EYS: variants seen among roughly 807,000 people sequenced by gnomAD.
The protein encoded by EYS is EGF-like photoreceptor maintenance factor, also known as protein eyes shut homolog.
Under a neutral mutation model 282.1 loss-of-function variants are expected in EYS, and 250 were observed. The ratio of observed to expected loss-of-function variants is 0.89; its 90% confidence interval spans 0.80 to 0.98. The LOEUF (loss-of-function observed/expected upper bound fraction) is 0.98, where lower values mean the gene tolerates loss of function less well. EYS is among the 50% of genes least tolerant of loss of function. The pLI, the probability that EYS is intolerant of heterozygous loss-of-function variation, is 0.00. For synonymous variants in EYS, 1,355 were observed against 1,282.9 expected (o/e 1.06, Z -1.20); for missense variants, 4,016 against 3,709.0 (o/e 1.08, Z -2.15).
At position 63,726,663 on chromosome 6, in the gene EYS, G is replaced by A. The variant is rs1768628194; in HGVS notation, c.8089C>T (p.Pro2697Ser). 6.4e-7 allele frequency: 1 copy of A among 1,551,046 alleles called. No individual in the cohort carries two copies. Among genetic ancestry groups the A allele is most frequent in the African/African-American group, 1.4e-5 (1 of 73,028 alleles). ...YCEQALSISD[P>S]SFRSNELSWM... is the part of the protein sequence containing the mutation. ...GATAACTCATTGCTTCTGAAAGATG[G>A]ATCACTTATGGATAAAGCTGAGGGA... Residue 2697 changes from proline (P) to serine (S), a missense_variant, in exon 42 of 43, where the codon CCA (proline) becomes TCA (serine). Coordinates refer to ENST00000503581, the MANE Select transcript of EYS (RefSeq NM_001142800.2).
intron 22 of EYS, among the ~76,000 whole-genome samples, chr6:64,634,480 G>A (rs1175629602): frequency 2.7e-5 from 4 of 150,510 alleles, no homozygotes; most frequent in South Asian, 2.1e-4. Context: ...GGCTAATACG[G>A]GCAAACTTCT....
chr6:65,523,132 T>C (rs1180387369), intron 2 of EYS, among the ~76,000 whole-genome samples: 1 of 152,198 alleles, frequency 6.6e-6, no homozygotes, highest in Non-Finnish European at 1.5e-5. Context: ...ATATGATTTT[T>C]TTAAATGTCT....
At chr6:65,689,880 C>T (rs957692275) in intron 1 of EYS, among the ~76,000 whole-genome samples, 23 of 149,460 alleles carry the variant, frequency 1.5e-4, no homozygotes, top group South Asian at 2.2e-4. Flanking sequence ...ATCGGCAGGT[C>T]GAGAAATAAC....
chr6:63,828,077 G>A (rs1423939331), intron 36 of EYS, among the ~76,000 whole-genome samples: 2 of 152,044 alleles, frequency 1.3e-5, no homozygotes, highest in Admixed American at 6.6e-5. Context: ...AACCTCTGGG[G>A]TACAGCAAAG....
intron 22 of EYS, among the ~76,000 whole-genome samples, chr6:64,741,267 C>T (rs77005698): frequency 1.4e-4 from 21 of 152,014 alleles, no homozygotes; most frequent in Admixed American, 1.4e-3. Flanking sequence ...CCAGGCCCCT[C>T]GTCAATAATA....
At chr6:64,134,222 A>C (rs1582319840) in intron 31 of EYS, among the ~76,000 whole-genome samples, 1 of 152,244 alleles carries the variant, frequency 6.6e-6, no homozygotes, top group Non-Finnish European at 1.5e-5. Flanking sequence ...TTTTAAGCCA[A>C]GGAATGATAA....
chr6:64,721,070 T>A (rs1771563278), intron 22 of EYS, among the ~76,000 whole-genome samples: 1 of 152,184 alleles, frequency 6.6e-6, no homozygotes, highest in South Asian at 2.1e-4. Context: ...AATTATCAAG[T>A]GTCTACAAAG....
intron 15 of EYS, among the ~76,000 whole-genome samples, chr6:64,926,336 C>A (rs1394906351): frequency 6.6e-6 from 1 of 152,204 alleles, no homozygotes; most frequent in East Asian, 1.9e-4. Flanking sequence ...CTTGTGCTGG[C>A]TGGCAGGTTT....
intron 12 of EYS, among the ~76,000 whole-genome samples, chr6:65,238,904 T>C (rs1163476743): frequency 6.6e-6 from 1 of 152,058 alleles, no homozygotes; most frequent in East Asian, 1.9e-4. Context: ...GTCAGTTACA[T>C]GATTAATATA....
intron 19 of EYS, among the ~76,000 whole-genome samples, chr6:64,876,742 T>C (rs1293423985): frequency 6.6e-6 from 1 of 151,914 alleles, no homozygotes. Flanking sequence ...GATAAAATAA[T>C]ACAGAAAAGC....
chr6:65,225,453 C>A (rs564716595), intron 12 of EYS, among the ~76,000 whole-genome samples: 1 of 151,864 alleles, frequency 6.6e-6, no homozygotes, highest in South Asian at 2.1e-4. Context: ...CGGTGGCTCA[C>A]GCCTGTAATC....
At chr6:64,581,237 C>A (rs576210863) in intron 26 of EYS, among the ~76,000 whole-genome samples, 1 of 152,086 alleles carries the variant, frequency 6.6e-6, no homozygotes, top group Admixed American at 6.6e-5. Context: ...TTGGAGGATT[C>A]TAACATTTAA....
intron 22 of EYS, among the ~76,000 whole-genome samples, chr6:64,735,514 C>T (rs993388743): frequency 6.6e-6 from 1 of 151,946 alleles, no homozygotes; most frequent in African/African-American, 2.4e-5. Context: ...GAAGAAAAAA[C>T]ACAAAATTTG....
intron 30 of EYS, among the ~76,000 whole-genome samples, chr6:64,233,472 G>A (rs932843254): frequency 3.7e-4 from 56 of 152,072 alleles, no homozygotes; most frequent in African/African-American, 1.3e-3. Flanking sequence ...TTTACATACA[G>A]TTTAAAAATA....
At chr6:63,742,257 G>A (rs2149642851) in intron 41 of EYS, among the ~76,000 whole-genome samples, 1 of 152,106 alleles carries the variant, frequency 6.6e-6, no homozygotes, top group South Asian at 2.1e-4. Context: ...ACTCATGCCT[G>A]CTTATCTTGG....
chr6:64,684,592 A>ATAT (rs34639410), intron 22 of EYS, among the ~76,000 whole-genome samples: 7 of 150,414 alleles, frequency 4.7e-5, no homozygotes, highest in East Asian at 3.9e-4. Flanking sequence ...TAGGAAAAAA[A>ATAT]ATATATAGAG....
At chr6:65,026,666 C>G (rs899515811) in intron 13 of EYS, among the ~76,000 whole-genome samples, 2 of 152,078 alleles carry the variant, frequency 1.3e-5, no homozygotes, top group Admixed American at 1.3e-4. Flanking sequence ...TCCTGTAATC[C>G]CAGCACTTTG....
chr6:64,391,421 GAT>G (rs1189585233), intron 28 of EYS, among the ~76,000 whole-genome samples: 1 of 152,170 alleles, frequency 6.6e-6, no homozygotes, highest in Admixed American at 6.5e-5. Context: ...ACTAACAGCA[GAT>G]CTCTCGGCAG....
intron 22 of EYS, among the ~76,000 whole-genome samples, chr6:64,752,101 G>A (rs530267093): frequency 3.3e-5 from 5 of 151,756 alleles, no homozygotes; most frequent in East Asian, 1.9e-4. Context: ...CAAACAAACC[G>A]TGTTACAAGC....
Sources: gnomAD v4.1 joint callset for allele counts (sites outside exome capture counted in the v4.1 genomes callset) on GRCh38, gnomAD v4.1.1 for gene constraint, MANE v1.5 for transcripts, NCBI Gene and HGNC (gene_info 2026-07-23, HGNC 2026-07-21) for gene names.